NPTN: variants seen among roughly 807,000 people sequenced by gnomAD.
The protein encoded by NPTN is SDR-1.
NPTN carries 5 observed loss-of-function variants against 42.7 expected under a neutral mutation model. The ratio of observed to expected loss-of-function variants is 0.12; its 90% CI spans 0.06 to 0.25. The LOEUF (loss-of-function observed/expected upper bound fraction) is 0.25. Ranked by LOEUF, NPTN falls within the 10% of genes least tolerant of loss-of-function variation. The pLI, the probability that NPTN is intolerant of heterozygous loss-of-function variation, is 1.00. For missense variants in NPTN, 307 were observed against 525.4 expected (o/e 0.58, Z 4.06); for synonymous variants, 180 against 201.9 (o/e 0.89, Z 0.92).
chr15:73,576,996 G>GT (rs35892672), intron 4 of NPTN, among the ~76,000 whole-genome samples: 2 of 152,132 alleles, frequency 1.3e-5, no homozygotes, highest in African/African-American at 2.4e-5. Context: ...TGTTCTTGAG[G>GT]TTTTTTTCTG....
At chr15:73,586,827 T>C (rs529997630) in intron 4 of NPTN, among the ~76,000 whole-genome samples, 1 of 152,330 alleles carries the variant, frequency 6.6e-6, no homozygotes, top group African/African-American at 2.4e-5. Context: ...AGACCTGTGT[T>C]CTAGACTAGC....
In NPTN at chr15:73,633,136, G is replaced by A. The variant is rs767550977; in HGVS notation, c.80C>T (p.Ala27Val). Residue 27 changes from alanine to valine, a missense_variant, in exon 1 of 9, where the codon GCC (alanine) becomes GTC (valine). Around this residue, in one of 2 missense-constraint regions of NPTN, gnomAD observed 43 missense variants for 34.3 expected, o/e 1.25. Transcript: ENST00000345330. The part of the protein sequence containing the change: ...VSGSLLPGPG[A>V]AQNAGFVKSP... ...GGCGCCCCGCTTACCGTTCTGAGCG[G>A]CGCCTGGCCCTGGGAGGAGGGAGCC... The A allele has an allele frequency of 2.7e-6, 4 of 1,494,250 alleles. No individual in the cohort carries two copies. The highest frequency in any genetic ancestry group is 3.5e-6 in the Non-Finnish European group (4 of 1,130,000). 92.6% of individuals were successfully genotyped at this position (1,494,250 alleles called of 1,614,324 possible). A position where few individuals can be genotyped will look rare whatever the true frequency, so the allele number is the denominator to read the frequency against.
At chr15:73,630,078 C>T (rs1898654855) in intron 1 of NPTN, among the ~76,000 whole-genome samples, 1 of 152,166 alleles carries the variant, frequency 6.6e-6, no homozygotes, top group Non-Finnish European at 1.5e-5. Flanking sequence ...AAAAATAATG[C>T]TCCTTTTTAA....
Position 73,570,629 on chromosome 15 carries a change from C to G in NPTN, c.841-206G>C, listed in dbSNP as rs1467191848. ...CAGGCAAGCCTCCCTTACCATCGGT[C>G]CTCCAGACTTCCCCGACTTCCACGA... On this transcript the variant is annotated intron_variant, in intron 5 of 8. Transcript: ENST00000345330. The surrounding 1 kb of genome is among the most constrained non-coding windows in gnomAD (Gnocchi z 4.0). 1.3e-5 allele frequency among the ~76,000 whole-genome samples: 2 copies of G among 152,230 alleles called. No homozygotes were observed. Among genetic ancestry groups the G allele is most frequent in the Non-Finnish European group, 2.9e-5 (2 of 68,038 alleles).
rs374107609 is a variant in NPTN at position 73,592,439 on chromosome 15, T to C, written c.440-302A>G. 5.9e-5 allele frequency among the ~76,000 whole-genome samples: 9 copies of C among 152,296 alleles called. 2 individuals are homozygous for C. The highest frequency in any genetic ancestry group is 1.9e-4 in the East Asian group (1 of 5,178). ...CTTACGTTTTTGAATACCACCTTTT[T>C]ATAAGAACCACCAAACAATTCGGCT... On this transcript the variant is annotated intron_variant, in intron 2 of 8. Transcript: ENST00000345330.
chr15:73,574,965 CCCG>C (rs1180596848), intron 4 of NPTN, among the ~76,000 whole-genome samples: 88 of 152,314 alleles, frequency 5.8e-4, no homozygotes, highest in African/African-American at 2.0e-3. Flanking sequence ...AACTATATTA[CCCG>C]CCAATGCTTC....
At position 73,570,760 on chromosome 15, in the gene NPTN, A is replaced by C. The variant is rs1376832675; in HGVS notation, c.841-337T>G. On this transcript the variant is annotated intron_variant, in intron 5 of 8. Transcript: ENST00000345330. This position sits in a 1 kb window ranked among gnomAD's most constrained non-coding sequence, Gnocchi z 4.0. ...ACCACAGCAGAAAGAGGACGGCAGA[A>C]GGAGGGGTACAACCCCTACAGTCAG... Among the ~76,000 whole-genome samples, 2 of 152,206 alleles carry C rather than the reference A, an allele frequency of 1.3e-5. No individual in the cohort carries two copies. The highest frequency in any genetic ancestry group is 1.5e-5 in the Non-Finnish European group (1 of 68,036).
intron 1 of NPTN, among the ~76,000 whole-genome samples, chr15:73,613,152 T>C (rs1171199170): frequency 1.3e-5 from 2 of 152,202 alleles, no homozygotes; most frequent in Non-Finnish European, 2.9e-5. Flanking sequence ...CTTCCAATTC[T>C]AAATACAGTA....
intron 6 of NPTN, chr15:73,567,717 C>T: frequency 2.0e-6 from 2 of 985,296 alleles, no homozygotes; most frequent in East Asian, 2.3e-4. Context: ...CAGAAAGAGA[C>T]AGAGGAGAAA....
chr15:73,587,425 C>G, intron 4 of NPTN, 99 bp downstream of exon 4: 1 of 837,724 alleles, frequency 1.2e-6, no homozygotes, highest in Non-Finnish European at 2.0e-6. Context: ...TGTGTCTCGA[C>G]ATGGAAAGAA....
intron 1 of NPTN, among the ~76,000 whole-genome samples, chr15:73,613,049 A>G (rs527547275): frequency 2.0e-5 from 3 of 152,244 alleles, no homozygotes; most frequent in Non-Finnish European, 2.9e-5. Context: ...GAGAATTATG[A>G]TTACTCAACT....
At chr15:73,612,640 A>G (rs1897649437) in intron 1 of NPTN, among the ~76,000 whole-genome samples, 1 of 152,058 alleles carries the variant, frequency 6.6e-6, no homozygotes, top group Non-Finnish European at 1.5e-5. Context: ...CGTGGTGGCC[A>G]GTGCCTGTAG....
chr15:73,617,920 C>T (rs1214707283), intron 1 of NPTN, among the ~76,000 whole-genome samples: 1 of 152,130 alleles, frequency 6.6e-6, no homozygotes, highest in Admixed American at 6.6e-5. Flanking sequence ...AAAATTTGCC[C>T]TTTCATCCTC....
intron 2 of NPTN, among the ~76,000 whole-genome samples, chr15:73,595,160 T>C (rs915072680): frequency 4.6e-5 from 7 of 152,178 alleles, no homozygotes; most frequent in African/African-American, 1.7e-4. Flanking sequence ...GCCTCATCTT[T>C]TTCTAGCCCC....
intron 1 of NPTN, among the ~76,000 whole-genome samples, chr15:73,623,032 G>A (rs1454321420): frequency 6.6e-6 from 1 of 152,168 alleles, no homozygotes; most frequent in Non-Finnish European, 1.5e-5. Flanking sequence ...TGAAGTCTTA[G>A]GAGTTAGGAT....
intron 1 of NPTN, among the ~76,000 whole-genome samples, chr15:73,605,454 T>C (rs535125299): frequency 1.5e-4 from 22 of 150,998 alleles, no homozygotes; most frequent in African/African-American, 5.1e-4. Context: ...GTAGGTCGGG[T>C]GCGGTGGCTC....
chr15:73,597,591 G>A lies in NPTN; in HGVS notation c.92-222C>T, dbSNP rs1209608870. On this transcript the variant is annotated intron_variant, in intron 1 of 8. Transcript: ENST00000345330. The surrounding 1 kb of genome is among the most constrained non-coding windows in gnomAD (Gnocchi z 6.3). The stretch of plus-strand genomic sequence containing the variant: ...TGGGAAGCTTATGAAGCAAAGGCAG[G>A]CTAATTACAAGCTGGGGCAGCCCAG... Among the ~76,000 whole-genome samples the A allele has an allele frequency of 9.2e-5, 14 of 152,226 alleles. No homozygotes were observed. Among genetic ancestry groups the A allele is most frequent in the Admixed American group, 9.2e-4 (14 of 15,290 alleles).
At chr15:73,591,741 T>C (rs1475068656) in intron 3 of NPTN, 3 of 389,972 alleles carry the variant, frequency 7.7e-6, no homozygotes, top group South Asian at 1.1e-4. Context: ...TCTATGATTA[T>C]AGTGAGGGGA....
chr15:73,578,750 T>C (rs999080046), intron 4 of NPTN, among the ~76,000 whole-genome samples: 10 of 152,084 alleles, frequency 6.6e-5, no homozygotes, highest in African/African-American at 2.4e-4. Context: ...TCCCAGCACT[T>C]TGGGAGGCCG....
Sources: allele counts gnomAD v4.1 joint callset (sites outside exome capture counted in the v4.1 genomes callset), GRCh38; gene constraint gnomAD v4.1.1; regional missense constraint gnomAD v4.1.1; non-coding constraint Gnocchi (gnomAD v3.1); transcripts MANE v1.5; gene names NCBI Gene and HGNC (gene_info 2026-07-23, HGNC 2026-07-21).